Variants in ERMAP observed in about 807,000 individuals in gnomAD.
The protein encoded by ERMAP is erythroid membrane-associated protein.
ERMAP carries 34 observed loss-of-function variants against 49.5 expected under a neutral mutation model. The ratio of observed to expected loss-of-function variants is 0.69; its 90% CI spans 0.52 to 0.91. The LOEUF is 0.91. Ranked by LOEUF, ERMAP falls within the 40% of genes least tolerant of loss-of-function variation. ERMAP has a pLI of 0.00. For missense variants in ERMAP, 541 were observed against 582.6 expected, an observed-to-expected ratio of 0.93 and a Z score of 0.74; for synonymous variants, 214 against 232.2, an observed-to-expected ratio of 0.92 and a Z score of 0.71.
In ERMAP at chr1:42,830,774, C is replaced by G. The variant is rs1466105543; in HGVS notation, c.92C>G (p.Ala31Gly). The G allele has an allele frequency of 1.9e-6, 3 of 1,542,152 alleles. No homozygotes were observed. The highest frequency in any genetic ancestry group is 2.6e-6 in the Non-Finnish European group (3 of 1,143,322). ...LRLSVHVSGHAGDAGKFHVAL... is the reference protein window; with the variant it reads ...LRLSVHVSGHGGDAGKFHVAL... ...TGTCTCTTTTTTTGTCCAGGCCACG[C>G]AGGGGATGCCGGCAAGTTCCACGTG... Residue 31 changes from alanine to glycine, a missense_variant, in exon 4 of 12, where the codon GCA becomes GGA. Ala to Gly is a moderately conservative substitution (Grantham distance 60, BLOSUM62 0). Transcript: ENST00000372517.
In ERMAP at chr1:42,843,710, A is replaced by G. The variant is rs1655134505; in HGVS notation, c.*478A>G. 2 of 141,674 alleles carry G rather than the reference A, an allele frequency of 1.4e-5. No homozygotes were observed. Among genetic ancestry groups the G allele is most frequent in the African/African-American group, 3.5e-5 (1 of 28,906 alleles). 8.8% of individuals were successfully genotyped at this position (141,674 alleles called of 1,614,324 possible). A position where few individuals can be genotyped will look rare whatever the true frequency, so the allele number is the denominator to read the frequency against. On this transcript the variant is annotated 3_prime_UTR_variant, in exon 12 of 12. Coordinates refer to ENST00000372517, the MANE Select transcript of ERMAP (RefSeq NM_001017922.2). The stretch of plus-strand genomic sequence containing the variant: ...CAAAGTCAGCTCTCTAAAAGCAAGC[A>G]TGTTTTAGACCACTCACTCTTTCCC...
At chr1:42,828,953 A>G (rs1028403001) in intron 2 of ERMAP, among the ~76,000 whole-genome samples, 13 of 152,302 alleles carry the variant, frequency 8.5e-5, no homozygotes, top group African/African-American at 3.1e-4. Context: ...CAGAGTCACT[A>G]GAAAGTTGAG....
rs1357637557 is a variant in ERMAP at position 42,844,015 on chromosome 1, TCA to T, written c.*784_*785del. 2 of 398,576 alleles carry T rather than the reference TCA, an allele frequency of 5.0e-6. No individual in the cohort carries two copies. Among genetic ancestry groups the T allele is most frequent in the Admixed American group, 4.4e-5 (1 of 22,732 alleles). 24.7% of individuals were successfully genotyped at this position (398,576 alleles called of 1,614,324 possible). Reference sequence around the variant, plus strand: ...GACCTTGGCCCAGACCTTCAGAGGCTCAGTCTGTTGAGTCTGTTGTGACTGTC... The same window carrying T: ...GACCTTGGCCCAGACCTTCAGAGGCTGTCTGTTGAGTCTGTTGTGACTGTC... On this transcript the variant is annotated 3_prime_UTR_variant, in exon 12 of 12. Coordinates refer to ENST00000372517, the MANE Select transcript of ERMAP (RefSeq NM_001017922.2). The surrounding 1 kb of genome is among the most constrained non-coding windows in gnomAD (Gnocchi z 4.0).
chr1:42,842,562 T>C lies in ERMAP; in HGVS notation c.758T>C (p.Leu253Pro). The change falls in exon 12 of 12, where the codon CTT (leucine) becomes CCT (proline). Residue 253 changes from leucine (L) to proline (P), a missense_variant. Leu to Pro is a moderately conservative substitution (Grantham distance 98). Coordinates refer to ENST00000372517, the MANE Select transcript of ERMAP (RefSeq NM_001017922.2). ...DPDTAHPKLILSEDQRCVRLG... is the reference protein window; with the variant it reads ...DPDTAHPKLIPSEDQRCVRLG... The stretch of plus-strand genomic sequence containing the variant: ...GACACAGCACATCCCAAACTCATCC[T>C]TTCTGAGGACCAAAGATGTGTAAGG... The C allele has an allele frequency of 6.2e-7, 1 of 1,614,182 alleles. No homozygotes were observed. The highest frequency in any genetic ancestry group is 8.5e-7 in the Non-Finnish European group (1 of 1,180,026).
intron 4 of ERMAP, among the ~76,000 whole-genome samples, chr1:42,834,181 C>T (rs969884617): frequency 3.9e-5 from 6 of 152,176 alleles, no homozygotes; most frequent in South Asian, 2.1e-4. Flanking sequence ...ACCCATAGCC[C>T]GCTTCTGCTC....
chr1:42,843,137 C>A lies in ERMAP; in HGVS notation c.1333C>A (p.Leu445Ile). ...GTCCCTCAAGGTGAACTCTTCTTTA[C>A]TACCCCCGAAGGCCCCAGAGCTGAA... ...DVSLKVNSSL[L>I]PPKAPELKDI... The change falls in exon 12 of 12, where the codon CTA becomes ATA. Residue 445 changes from leucine to isoleucine, a missense_variant. By Grantham distance (5) the Leu-to-Ile change is conservative. Transcript: ENST00000372517. 2 of 1,614,206 alleles carry A rather than the reference C, an allele frequency of 1.2e-6. No individual in the cohort carries two copies. The highest frequency in any genetic ancestry group is 1.7e-6 in the Non-Finnish European group (2 of 1,180,030).
chr1:42,824,084 CCT>C (rs1654470301), intron 1 of ERMAP, among the ~76,000 whole-genome samples: 1 of 152,186 alleles, frequency 6.6e-6, no homozygotes, highest in Admixed American at 6.5e-5. Context: ...GTGGCTCACG[CCT>C]GTAATCCCAG....
At chr1:42,839,146 C>T (rs1467567253) in intron 8 of ERMAP, 1 of 656,978 alleles carries the variant, frequency 1.5e-6, no homozygotes, top group East Asian at 2.7e-5. Context: ...AACGTTTCAC[C>T]AGGAAGAGAT....
intron 6 of ERMAP, 78 bp from the exon 7 acceptor site, chr1:42,837,080 G>A (rs1570543436): frequency 2.0e-6 from 3 of 1,474,626 alleles, no homozygotes; most frequent in Middle Eastern, 1.7e-4. Flanking sequence ...AGGTCCAAGG[G>A]CAGGTAAAAT....
intron 2 of ERMAP, 149 bp downstream of exon 2, chr1:42,825,887 C>G: frequency 1.0e-6 from 1 of 971,366 alleles, no homozygotes; most frequent in Non-Finnish European, 1.3e-6. Flanking sequence ...ACTAAAGAAA[C>G]ACAAAAGGAG....
intron 2 of ERMAP, among the ~76,000 whole-genome samples, chr1:42,826,904 C>G (rs1654570375): frequency 6.6e-6 from 1 of 151,652 alleles, no homozygotes; most frequent in African/African-American, 2.4e-5. Flanking sequence ...GGGACCAAGC[C>G]AAGACTAGGA....
chr1:42,836,438 GGTGAGGCTGGGGA>G (rs1202356027), intron 6 of ERMAP, among the ~76,000 whole-genome samples: 21 of 152,166 alleles, frequency 1.4e-4, no homozygotes, highest in Admixed American at 1.4e-3. Flanking sequence ...AAGTGGCAGG[GGTGAGGCTGGGGA>G]GTGAGGCGGA....
At chr1:42,831,575 CTTTTT>C (rs796367653) in intron 4 of ERMAP, among the ~76,000 whole-genome samples, 2 of 83,978 alleles carry the variant, frequency 2.4e-5, no homozygotes, top group African/African-American at 5.7e-5. Flanking sequence ...TTTTTTTTCT[CTTTTT>C]TTTTTTTTTT....
intron 1 of ERMAP, among the ~76,000 whole-genome samples, chr1:42,823,179 A>G (rs1200111263): frequency 6.6e-6 from 1 of 152,200 alleles, no homozygotes; most frequent in Non-Finnish European, 1.5e-5. Context: ...TTGTGACATG[A>G]AATCTGAAAC....
At chr1:42,834,622 C>A in intron 4 of ERMAP, 2 of 256,500 alleles carry the variant, frequency 7.8e-6, no homozygotes, top group Non-Finnish European at 1.5e-5. Flanking sequence ...ATGGTGTGAC[C>A]TTGGCTCACT....
chr1:42,817,272 C>T lies in ERMAP; in HGVS notation c.-122+19C>T. The T allele has an allele frequency of 8.1e-7, 1 of 1,237,840 alleles. No individual in the cohort carries two copies. Among genetic ancestry groups the T allele is most frequent in the Non-Finnish European group, 1.0e-6 (1 of 961,610 alleles). 76.7% of individuals were successfully genotyped at this position (1,237,840 alleles called of 1,614,324 possible). On this transcript the variant is annotated intron_variant, in intron 1 of 11. Transcript: ENST00000372517. ...CGGGAGGGTAATCCTCGCCTTCCCC[C>T]GACCACTGGACCCAGCGCTGCCTGC... is the stretch of plus-strand genomic sequence containing the variant.
chr1:42,838,527 A>T (rs1418551609), intron 7 of ERMAP, among the ~76,000 whole-genome samples: 2 of 152,236 alleles, frequency 1.3e-5, no homozygotes, highest in Non-Finnish European at 2.9e-5. Flanking sequence ...AGTTCATGCT[A>T]GGCCTTTAGC....
rs772229806 is a variant in ERMAP, at chr1:42,842,542, A to T, written c.738A>T (p.Thr246=). ...HFVAVTLDPD[T]AHPKLILSED... is the part of the protein sequence containing the mutation. ...TGGCAGTGACCCTGGACCCAGACAC[A>T]GCACATCCCAAACTCATCCTTTCTG... Residue 246 remains threonine (T), a synonymous_variant, in exon 12 of 12, where the codon ACA becomes ACT. Coordinates refer to ENST00000372517, the MANE Select transcript of ERMAP (RefSeq NM_001017922.2). 4 of 1,613,970 alleles carry T rather than the reference A, an allele frequency of 2.5e-6. No homozygotes were observed. In the South Asian group the frequency reaches 4.4e-5, roughly 18 times the overall value.
intron 4 of ERMAP, among the ~76,000 whole-genome samples, chr1:42,831,583 T>C (rs1654742549): frequency 7.1e-6 from 1 of 140,990 alleles, no homozygotes; most frequent in African/African-American, 2.8e-5. Flanking sequence ...CTCTTTTTTT[T>C]TTTTTTTTTT....
Sources: gnomAD v4.1 joint callset for allele counts (sites outside exome capture counted in the v4.1 genomes callset) on GRCh38, gnomAD v4.1.1 for gene constraint, Gnocchi (gnomAD v3.1) non-coding constraint, MANE v1.5 for transcripts, NCBI Gene and HGNC (gene_info 2026-07-23, HGNC 2026-07-21) for gene names.